Variants in PAPLN observed in about 807,000 individuals in gnomAD.
PAPLN encodes the protein papilin.
PAPLN carries 146 observed loss-of-function variants against 159.0 expected under a neutral mutation model. The ratio of observed to expected loss-of-function variants is 0.92; its 90% CI spans 0.80 to 1.05. The LOEUF (loss-of-function observed/expected upper bound fraction) is 1.05. PAPLN is among the 50% of genes least tolerant of loss of function. PAPLN has a pLI of 0.00. For missense variants in PAPLN, 1,720 were observed against 1,743.9 expected (o/e 0.99, Z 0.24); for synonymous variants, 734 against 702.9 (o/e 1.04, Z -0.70).
intron 2 of PAPLN, chr14:73,243,629 G>C (rs1362563736): frequency 6.6e-6 from 1 of 152,248 alleles, no homozygotes; most frequent in Non-Finnish European, 1.5e-5. Context: ...AATGGGGTCT[G>C]TCGGGTTGTT....
At position 73,254,878 on chromosome 14, in the gene PAPLN, G is replaced by A. The variant is rs150726110; in HGVS notation, c.1487G>A (p.Cys496Tyr). ...QAWHVGTWGL[C>Y]SKSCSSGTRR... ...CTCTCTCCCACTCGTGGGCCTCAGTGCTCCAAGAGCTGCAGCTCGGGCACT... is the reference window on the plus strand; with the variant it reads ...CTCTCTCCCACTCGTGGGCCTCAGTACTCCAAGAGCTGCAGCTCGGGCACT... The change falls in exon 14 of 27, where the codon TGC becomes TAC. Residue 496 changes from cysteine to tyrosine, a missense_variant and splice_region_variant. Cys to Tyr is a radical substitution (Grantham distance 194, BLOSUM62 -2). Transcript: ENST00000644200. 1.2e-6 allele frequency: 2 copies of A among 1,611,232 alleles called. No individual in the cohort carries two copies. Among genetic ancestry groups the A allele is most frequent in the Non-Finnish European group, 1.7e-6 (2 of 1,179,926 alleles).
chr14:73,259,261 C>T lies in PAPLN; in HGVS notation c.1709-8C>T, dbSNP rs767472361. On this transcript the variant is annotated splice_polypyrimidine_tract_variant and splice_region_variant and intron_variant, in intron 15 of 26. Transcript: ENST00000644200. Reference sequence around the variant, plus strand: ...ACGCACTGTGTGTCTTTTGCTTCTTCTTTCTAGACTCCAGAGGCCAGTGGT... The same window carrying T: ...ACGCACTGTGTGTCTTTTGCTTCTTTTTTCTAGACTCCAGAGGCCAGTGGT... 2 of 1,540,352 alleles carry T rather than the reference C, an allele frequency of 1.3e-6. No individual in the cohort carries two copies. The highest frequency in any genetic ancestry group is 1.2e-5 in the South Asian group (1 of 80,094).
intron 12 of PAPLN, 90 bp downstream of exon 12, chr14:73,254,051 G>A: frequency 7.3e-7 from 1 of 1,379,182 alleles, no homozygotes; most frequent in Non-Finnish European, 9.7e-7. Context: ...GGAAACCGAG[G>A]TCCTGGGAGG....
Position 73,261,312 on chromosome 14 carries a change from C to CT in PAPLN, c.2245+19dup. 3.1e-6 allele frequency: 5 copies of CT among 1,611,254 alleles called. No individual in the cohort carries two copies. Among genetic ancestry groups the CT allele is most frequent in the Non-Finnish European group, 4.2e-6 (5 of 1,178,838 alleles). On this transcript the variant is annotated intron_variant, in intron 18 of 26. Coordinates refer to ENST00000644200, the MANE Select transcript of PAPLN (RefSeq NM_001365906.3). Reference sequence around the variant, plus strand: ...CAGCCATGGTGAGTGGACACCCCCTCTCCTCCTTCTCGATGGGTAGACTCT... The same window carrying CT: ...CAGCCATGGTGAGTGGACACCCCCTCTTCCTCCTTCTCGATGGGTAGACTCT...
intron 14 of PAPLN, among the ~76,000 whole-genome samples, chr14:73,257,798 C>G (rs962455243): frequency 8.0e-5 from 10 of 125,284 alleles, no homozygotes; most frequent in Non-Finnish European, 1.3e-4. Flanking sequence ...TAGTCTCGCT[C>G]TGTCGCCCAG....
intron 25 of PAPLN, among the ~76,000 whole-genome samples, chr14:73,268,204 C>T (rs754994219): frequency 3.9e-4 from 59 of 152,228 alleles, no homozygotes; most frequent in Admixed American, 1.5e-3. Context: ...CATAGACATG[C>T]ACTTCGCTGC....
chr14:73,272,677 G>T lies in PAPLN; in HGVS notation c.*13G>T. On this transcript the variant is annotated 3_prime_UTR_variant, in exon 27 of 27. Coordinates refer to ENST00000644200, the MANE Select transcript of PAPLN (RefSeq NM_001365906.3). Reference sequence around the variant, plus strand: ...CATCTGGCAGTAGGGATGAAGGCTAGTTCCAGCCCCAGTCCAAAATAGTTC... The same window carrying T: ...CATCTGGCAGTAGGGATGAAGGCTATTTCCAGCCCCAGTCCAAAATAGTTC... 1 of 1,550,342 alleles carries T rather than the reference G, an allele frequency of 6.5e-7. No homozygotes were observed. Among genetic ancestry groups the T allele is most frequent in the Non-Finnish European group, 8.8e-7 (1 of 1,135,916 alleles).
chr14:73,257,484 C>A (rs1416021949), intron 14 of PAPLN, among the ~76,000 whole-genome samples: 1 of 151,966 alleles, frequency 6.6e-6, no homozygotes, highest in Non-Finnish European at 1.5e-5. Flanking sequence ...ATCTACTTAT[C>A]CATTTGCATT....
chr14:73,261,183 C>T lies in PAPLN; in HGVS notation c.2134C>T (p.Gln712Ter). Residue 712 changes from glutamine to a stop codon, truncating the protein, a stop_gained, in exon 18 of 27, where the codon CAG becomes TAG. Transcript: ENST00000644200. LOFTEE classifies it high-confidence loss of function. ...CCACAACACCCACCAGCCCCAGGCC[C>T]AGCAGAATGAGCCCAGTGAGTGCCG... Reference protein sequence around the residue: ...TVHNTHQPQAQQNEPSECRGS... With the variant: ...TVHNTHQPQA The T allele has an allele frequency of 6.2e-7, 1 of 1,614,134 alleles. No homozygotes were observed. The highest frequency in any genetic ancestry group is 8.5e-7 in the Non-Finnish European group (1 of 1,180,040).
chr14:73,257,747 T>C (rs1223185056), intron 14 of PAPLN, among the ~76,000 whole-genome samples: 1 of 140,498 alleles, frequency 7.1e-6, no homozygotes, highest in Admixed American at 7.6e-5. Flanking sequence ...ATCTAGTCTC[T>C]TTCTTCTTTT....
chr14:73,267,293 A>G (rs539428785), intron 25 of PAPLN, among the ~76,000 whole-genome samples: 4 of 152,162 alleles, frequency 2.6e-5, no homozygotes, highest in African/African-American at 9.6e-5. Context: ...GTGGTCTTTT[A>G]CCCTAGATCA....
In PAPLN at chr14:73,246,190, G is replaced by T. The variant is rs202154094; in HGVS notation, c.334+15G>T. 1.3e-6 allele frequency: 2 copies of T among 1,562,834 alleles called. No homozygotes were observed. Among genetic ancestry groups the T allele is most frequent in the African/African-American group, 2.8e-5 (2 of 70,888 alleles). ...CTACTACAGCGGTGAGCGCGGCCGG[G>T]ACTCGCTCTCTCGGGGCCTCTTGTA... On this transcript the variant is annotated intron_variant, in intron 5 of 26. Transcript: ENST00000644200.
At chr14:73,239,308 T>G (rs1168632525) in intron 1 of PAPLN, among the ~76,000 whole-genome samples, 1 of 152,210 alleles carries the variant, frequency 6.6e-6, no homozygotes, top group East Asian at 1.9e-4. Context: ...GGGCTACAAT[T>G]AACACTTTTA....
intron 5 of PAPLN, 126 bp from the exon 6 acceptor site, chr14:73,249,858 G>GTGCTC: frequency 9.0e-7 from 1 of 1,105,404 alleles, no homozygotes; most frequent in Non-Finnish European, 1.2e-6. Context: ...GCGGGGATCT[G>GTGCTC]TGCTCTGCGG....
At chr14:73,256,351 T>C (rs375108604) in intron 14 of PAPLN, among the ~76,000 whole-genome samples, 1 of 151,516 alleles carries the variant, frequency 6.6e-6, no homozygotes, top group African/African-American at 2.4e-5. Context: ...GCCAACATTG[T>C]GAAATCCCGT....
intron 2 of PAPLN, 124 bp downstream of exon 2, chr14:73,239,956 G>GC (rs1277515066): frequency 1.4e-6 from 2 of 1,431,328 alleles, no homozygotes; most frequent in African/African-American, 3.0e-5. Flanking sequence ...CTGGGAGGAG[G>GC]CGAGCCCGCA....
At chr14:73,264,045 G>C in intron 20 of PAPLN, 166 bp from the exon 21 acceptor site, 2 of 1,534,630 alleles carry the variant, frequency 1.3e-6, no homozygotes. Flanking sequence ...CCGCTGACAG[G>C]TGTGTGTGAC....
chr14:73,267,193 G>A (rs980091347), intron 25 of PAPLN, among the ~76,000 whole-genome samples: 5 of 152,162 alleles, frequency 3.3e-5, no homozygotes, highest in Admixed American at 6.6e-5. Context: ...AATAAAGAAT[G>A]GCTCCAGACC....
rs376261530 is a variant in PAPLN at position 73,263,795 on chromosome 14, C to A, written c.2861+13C>A. Reference sequence around the variant, plus strand: ...TCTCCTCTGACAGGTGGGTGAGAGTCCCCCCACCTCCTCTGACAGGTGTGA... The same window carrying A: ...TCTCCTCTGACAGGTGGGTGAGAGTACCCCCACCTCCTCTGACAGGTGTGA... On this transcript the variant is annotated intron_variant, in intron 20 of 26. Transcript: ENST00000644200. The A allele has an allele frequency of 4.0e-5, 64 of 1,594,284 alleles. No homozygotes were observed. The African/African-American group carries it at 8.2e-4, about 20-fold the overall frequency.
Sources: gnomAD v4.1 joint callset for allele counts (sites outside exome capture counted in the v4.1 genomes callset) on GRCh38, gnomAD v4.1.1 for gene constraint, MANE v1.5 for transcripts, NCBI Gene and HGNC (gene_info 2026-07-23, HGNC 2026-07-21) for gene names.